DIP2C: variants seen among roughly 807,000 people sequenced by gnomAD.
DIP2C encodes the protein disco-interacting protein 2 homolog C.
In DIP2C, 33 loss-of-function variants were observed where a neutral mutation model predicts 192.4. The observed-to-expected ratio is 0.17, with a 90% CI of 0.13 to 0.23. The LOEUF (loss-of-function observed/expected upper bound fraction) is 0.23. DIP2C is among the 10% of genes least tolerant of loss of function. The pLI is 1.00. For missense variants in DIP2C, 1,537 were observed against 2,110.1 expected (o/e 0.73, Z 5.32); for synonymous variants, 979 against 864.1 (o/e 1.13, Z -2.33).
In DIP2C at chr10:619,021, G is replaced by C. The variant is rs914737170; in HGVS notation, c.85+70473C>G. Among the ~76,000 whole-genome samples the C allele has an allele frequency of 2.0e-5, 3 of 152,208 alleles. No homozygotes were observed. In the South Asian group the frequency reaches 6.2e-4, roughly 32 times the overall value. On this transcript the variant is annotated intron_variant, in intron 1 of 36. Transcript: ENST00000280886. ...CCTCACTGTGTTCTGACTGTGGCCT[G>C]CTTCCCATAAGAAATAAAATCAGAA...
At chr10:554,496 A>G (rs1386787999) in intron 1 of DIP2C, among the ~76,000 whole-genome samples, 1 of 152,272 alleles carries the variant, frequency 6.6e-6, no homozygotes, top group Non-Finnish European at 1.5e-5. Context: ...AAGGGTGGTT[A>G]TAAGTTATAA....
chr10:680,597 C>A (rs1831095434), intron 1 of DIP2C, among the ~76,000 whole-genome samples: 1 of 152,232 alleles, frequency 6.6e-6, no homozygotes, highest in African/African-American at 2.4e-5. Context: ...AACTGGCCCA[C>A]ACGGTCTAGT....
intron 29 of DIP2C, 49 bp from the exon 30 acceptor site, chr10:329,650 G>T: frequency 6.4e-7 from 1 of 1,567,334 alleles, no homozygotes; most frequent in African/African-American, 1.3e-5. Context: ...CAAGGCTGGA[G>T]CTCAGCAAGG....
In DIP2C at chr10:532,094, C is replaced by A. The variant is rs1564823944; in HGVS notation, c.86-45564G>T. Among the ~76,000 whole-genome samples the A allele has an allele frequency of 2.6e-5, 4 of 152,216 alleles. No homozygotes were observed. In the South Asian group the frequency reaches 8.3e-4, roughly 32 times the overall value. ...TAAATCCTAGAAGTGACTGAGTGCT[C>A]CCTCCTAAACCAGAAAGCACCCTCT... On this transcript the variant is annotated intron_variant, in intron 1 of 36. Transcript: ENST00000280886.
chr10:477,951 G>A (rs1391960642), intron 2 of DIP2C, among the ~76,000 whole-genome samples: 4 of 83,612 alleles, frequency 4.8e-5, no homozygotes, highest in African/African-American at 1.0e-4. Flanking sequence ...AGGAAAAGAA[G>A]GAAAGAAAAG....
intron 1 of DIP2C, among the ~76,000 whole-genome samples, chr10:552,000 G>A (rs1206141920): frequency 6.6e-6 from 1 of 152,198 alleles, no homozygotes; most frequent in Admixed American, 6.5e-5. Flanking sequence ...GGCATCAAAG[G>A]GAGGGCTTCT....
rs555050844 is a variant in DIP2C, at chr10:587,228, C to T, written c.86-100698G>A. 2.0e-3 allele frequency among the ~76,000 whole-genome samples: 304 copies of T among 151,248 alleles called. 2 individuals are homozygous for T. The highest frequency in any genetic ancestry group is 3.7e-3 in the Non-Finnish European group (248 of 67,708). ...GCCAGACTACCCGGGTCCCTGCTGA[C>T]AGCGTGGCGAGGGGCAAACAGTGCA... On this transcript the variant is annotated intron_variant, in intron 1 of 36. Coordinates refer to ENST00000280886, the MANE Select transcript of DIP2C (RefSeq NM_014974.3).
chr10:541,218 GCCA>G (rs1057262192), intron 1 of DIP2C, among the ~76,000 whole-genome samples: 1 of 152,130 alleles, frequency 6.6e-6, no homozygotes, highest in Non-Finnish European at 1.5e-5. Flanking sequence ...CCTGAGTCCG[GCCA>G]CCACCGCCGA....
intron 19 of DIP2C, among the ~76,000 whole-genome samples, chr10:365,509 C>T (rs1960083860): frequency 6.6e-6 from 1 of 152,216 alleles, no homozygotes; most frequent in South Asian, 2.1e-4. Context: ...TGCCCTCCAG[C>T]CTGAGTGACA....
chr10:670,630 TATA>T (rs1830586682), intron 1 of DIP2C, among the ~76,000 whole-genome samples: 1 of 152,174 alleles, frequency 6.6e-6, no homozygotes, highest in Non-Finnish European at 1.5e-5. Flanking sequence ...GAACAGAAAA[TATA>T]ATACTTGTTC....
At chr10:487,581 T>TGTTGTTTG (rs1564778096) in intron 1 of DIP2C, among the ~76,000 whole-genome samples, 2 of 134,414 alleles carry the variant, frequency 1.5e-5, no homozygotes, top group Admixed American at 1.5e-4. Context: ...TTTTTTTTTT[T>TGTTGTTTG]TTTTTTTTTT....
chr10:349,207 T>C lies in DIP2C; in HGVS notation c.3109+124A>G, dbSNP rs1958667502. 8.1e-6 allele frequency: 11 copies of C among 1,355,444 alleles called. No homozygotes were observed. The South Asian group carries it at 1.0e-4, about 12-fold the overall frequency. The allele number at this position is 1,355,444 out of a possible 1,614,324, so 84.0% of individuals were successfully genotyped here. A position where few individuals can be genotyped will look rare whatever the true frequency, so the allele number is the denominator to read the frequency against. On this transcript the variant is annotated intron_variant, in intron 25 of 36. Coordinates refer to ENST00000280886, the MANE Select transcript of DIP2C (RefSeq NM_014974.3). Reference sequence around the variant, plus strand: ...ACGGGCTGGTTAGCATCCAGCTGGATACAGTGCAGACTCCCAGCCATGACG... The same window carrying C: ...ACGGGCTGGTTAGCATCCAGCTGGACACAGTGCAGACTCCCAGCCATGACG...
chr10:417,878 C>T (rs1338888917), intron 6 of DIP2C, among the ~76,000 whole-genome samples: 3 of 101,046 alleles, frequency 3.0e-5, no homozygotes, highest in Admixed American at 9.5e-5. Flanking sequence ...GCCTCCCTGT[C>T]CACCTGCACC....
rs765007066 is a variant in DIP2C, at chr10:689,549, C to T, written c.30G>A (p.Ala10=). The change falls in exon 1 of 37, where the codon GCG becomes GCA. Residue 10 remains alanine (A), a synonymous_variant. Transcript: ENST00000280886. This position sits in a 1 kb window ranked among gnomAD's most constrained non-coding sequence, Gnocchi z 6.1. MADRSLEGM[A]LPLEVRARLA... Reference sequence around the variant, plus strand: ...GGCGCGCCCGCACCTCCAGGGGCAGCGCCATGCCCTCCAGGCTGCGGTCCG... The same window carrying T: ...GGCGCGCCCGCACCTCCAGGGGCAGTGCCATGCCCTCCAGGCTGCGGTCCG... 3.1e-6 allele frequency: 4 copies of T among 1,281,058 alleles called. No homozygotes were observed. The highest frequency in any genetic ancestry group is 1.6e-5 in the South Asian group (1 of 61,912). The allele number at this position is 1,281,058 out of a possible 1,614,324, so 79.4% of individuals were successfully genotyped here.
rs781002870 is a variant in DIP2C, at chr10:493,552, C to T, written c.86-7022G>A. On this transcript the variant is annotated intron_variant, in intron 1 of 36. Transcript: ENST00000280886. Reference sequence around the variant, plus strand: ...GTGTAGAAGAATACCCAGCATGGCCCGCCGCCTGCTGTGGGCTCTTCTCAG... The same window carrying T: ...GTGTAGAAGAATACCCAGCATGGCCTGCCGCCTGCTGTGGGCTCTTCTCAG... Among the ~76,000 whole-genome samples the T allele has an allele frequency of 1.5e-3, 225 of 152,258 alleles. 7 individuals are homozygous for T. The highest frequency in any genetic ancestry group is 8.7e-4 in the Non-Finnish European group (59 of 68,040).
intron 1 of DIP2C, among the ~76,000 whole-genome samples, chr10:597,539 C>T (rs1271861785): frequency 6.6e-6 from 1 of 152,216 alleles, no homozygotes; most frequent in African/African-American, 2.4e-5. Context: ...CGCTGGGCAG[C>T]AGGGCTGGGC....
chr10:392,739 C>CCCAGGT (rs1963576303), intron 10 of DIP2C, among the ~76,000 whole-genome samples: 2 of 31,868 alleles, frequency 6.3e-5, no homozygotes, highest in African/African-American at 7.9e-5. Flanking sequence ...TACACACGCG[C>CCCAGGT]ACACACTCAC....
intron 3 of DIP2C, among the ~76,000 whole-genome samples, chr10:458,131 C>A (rs545642056): frequency 6.6e-6 from 1 of 152,316 alleles, no homozygotes; most frequent in East Asian, 1.9e-4. Context: ...CAGGGCAGCT[C>A]CCACCAGACA....
intron 1 of DIP2C, chr10:663,250 A>C: frequency 3.7e-6 from 1 of 266,982 alleles, no homozygotes; most frequent in Non-Finnish European, 7.0e-6. Context: ...AAGATCTACA[A>C]GGGAAGGCTG....
Sources: gnomAD v4.1 joint callset for allele counts (sites outside exome capture counted in the v4.1 genomes callset) on GRCh38, gnomAD v4.1.1 for gene constraint, Gnocchi (gnomAD v3.1) non-coding constraint, MANE v1.5 for transcripts, NCBI Gene and HGNC (gene_info 2026-07-23, HGNC 2026-07-21) for gene names.